The following SMAD9 variants were observed in gnomAD, a reference collection of about 807,000 sequenced individuals.
SMAD9 encodes MAD homolog 9.
In SMAD9, 36 loss-of-function variants were observed where a neutral mutation model predicts 46.1. The observed-to-expected ratio is 0.78, with a 90% CI of 0.60 to 1.03. The LOEUF (loss-of-function observed/expected upper bound fraction) is 1.03, where lower values mean the gene tolerates loss of function less well. Ranked by LOEUF, SMAD9 falls within the 50% of genes least tolerant of loss-of-function variation. The pLI is 0.00. For missense variants in SMAD9, 572 were observed against 599.8 expected, an observed-to-expected ratio of 0.95 and a Z score of 0.48; for synonymous variants, 245 against 237.1, an observed-to-expected ratio of 1.03 and a Z score of -0.31.
At chr13:36,877,091 T>C (rs1237288695) in intron 2 of SMAD9, among the ~76,000 whole-genome samples, 2 of 152,126 alleles carry the variant, frequency 1.3e-5, no homozygotes, top group Admixed American at 1.3e-4. Flanking sequence ...AGGCCAGGTA[T>C]GGTGGCTCAT....
At chr13:36,856,955 A>C (rs1239623384) in intron 5 of SMAD9, among the ~76,000 whole-genome samples, 1 of 151,940 alleles carries the variant, frequency 6.6e-6, no homozygotes, top group African/African-American at 2.4e-5. Context: ...GGCGCCTGCC[A>C]CCACACCTGG....
Position 36,872,372 on chromosome 13 carries a change from T to TA in SMAD9, c.670+285dup, listed in dbSNP as rs55908547. ...TCTTTTCATCTTATTTCTACTGCCT[T>TA]AAAAAAAAAAATCCTTGGAAATTCC... On this transcript the variant is annotated intron_variant, in intron 3 of 6. Coordinates refer to ENST00000379826, the MANE Select transcript of SMAD9 (RefSeq NM_001127217.3). 0.26 allele frequency among the ~76,000 whole-genome samples: 37,225 copies of TA among 144,032 alleles called. 5,093 individuals are homozygous for TA. Among genetic ancestry groups the TA allele is most frequent in the East Asian group, 0.5 (2,431 of 4,872 alleles). 94.5% of individuals were successfully genotyped at this position (144,032 alleles called of 152,430 possible).
intron 1 of SMAD9, among the ~76,000 whole-genome samples, chr13:36,885,381 A>G (rs1308424305): frequency 6.7e-6 from 1 of 149,520 alleles, no homozygotes; most frequent in Non-Finnish European, 1.5e-5. Flanking sequence ...ACTGGGCTTA[A>G]AACACACACA....
intron 1 of SMAD9, among the ~76,000 whole-genome samples, chr13:36,881,181 G>A (rs1312453839): frequency 1.3e-5 from 2 of 152,114 alleles, no homozygotes; most frequent in African/African-American, 2.4e-5. Flanking sequence ...TCCTGAGGTC[G>A]AACTGTATTT....
At chr13:36,897,753 A>AT in intron 1 of SMAD9, among the ~76,000 whole-genome samples, 1 of 152,000 alleles carries the variant, frequency 6.6e-6, no homozygotes, top group East Asian at 1.9e-4. Flanking sequence ...ATTTTCAGTT[A>AT]TAATTGCTCA....
intron 1 of SMAD9, among the ~76,000 whole-genome samples, chr13:36,891,574 C>G (rs1218638183): frequency 6.6e-6 from 1 of 152,186 alleles, no homozygotes; most frequent in African/African-American, 2.4e-5. Flanking sequence ...GAGTCTAAAA[C>G]TCTGGGCCAG....
rs914420164 is a variant in SMAD9, at chr13:36,879,018, C to A, written c.412+260G>T. Among the ~76,000 whole-genome samples, 3 of 152,130 alleles carry A rather than the reference C, an allele frequency of 2.0e-5. 1 individual carries two copies. The highest frequency in any genetic ancestry group is 4.4e-5 in the Non-Finnish European group (3 of 68,028). The stretch of plus-strand genomic sequence containing the variant: ...CACTGGCTATAACAGGGTTTTACTG[C>A]GATTCTCTTTGGATTGAGTGTTCCT... On this transcript the variant is annotated intron_variant, in intron 2 of 6. Coordinates refer to ENST00000379826, the MANE Select transcript of SMAD9 (RefSeq NM_001127217.3).
rs2058310762 is a variant in SMAD9 at position 36,872,970 on chromosome 13, AAC to A, written c.413-57_413-56del. 1.9e-6 allele frequency: 3 copies of A among 1,587,574 alleles called. No homozygotes were observed. In the Admixed American group the frequency reaches 5.0e-5, roughly 27 times the overall value. ...AATTGAACATTGCTCATCAGTACAC[AAC>A]AGAGTGGATACTTGCTGTTCTTATC... On this transcript the variant is annotated intron_variant, in intron 2 of 6. Coordinates refer to ENST00000379826, the MANE Select transcript of SMAD9 (RefSeq NM_001127217.3).
chr13:36,867,439 A>G, intron 3 of SMAD9, 56 bp from the exon 4 acceptor site: 1 of 1,190,898 alleles, frequency 8.4e-7, no homozygotes, highest in Non-Finnish European at 1.2e-6. Flanking sequence ...ACACAAAGAC[A>G]GTTGGATCCG....
chr13:36,912,324 A>G (rs1313298694), intron 1 of SMAD9, among the ~76,000 whole-genome samples: 4 of 152,158 alleles, frequency 2.6e-5, no homozygotes, highest in Non-Finnish European at 5.9e-5. Context: ...AACCCAACAT[A>G]TTTAGGGAAG....
At chr13:36,886,514 G>A (rs376959145) in intron 1 of SMAD9, among the ~76,000 whole-genome samples, 3 of 152,240 alleles carry the variant, frequency 2.0e-5, no homozygotes, top group Non-Finnish European at 4.4e-5. Context: ...GGACAAATCC[G>A]AGCTGAGCTG....
intron 1 of SMAD9, among the ~76,000 whole-genome samples, chr13:36,881,742 T>C (rs1471009648): frequency 1.3e-5 from 2 of 152,246 alleles, no homozygotes; most frequent in Non-Finnish European, 2.9e-5. Context: ...ATTTATAAAG[T>C]ATAGTTAAGT....
At chr13:36,892,596 A>C (rs2138583690) in intron 1 of SMAD9, among the ~76,000 whole-genome samples, 1 of 152,278 alleles carries the variant, frequency 6.6e-6, no homozygotes, top group South Asian at 2.1e-4. Context: ...ACTGTCCATA[A>C]ACATTCCAGT....
chr13:36,878,173 CAT>C (rs1371860856), intron 2 of SMAD9, among the ~76,000 whole-genome samples: 5 of 146,968 alleles, frequency 3.4e-5, no homozygotes, highest in East Asian at 2.2e-4. Flanking sequence ...ATATAATATA[CAT>C]ACACACACAC....
rs140857083 is a variant in SMAD9 at position 36,905,374 on chromosome 13, TC to T, written c.-187+14741del. Among the ~76,000 whole-genome samples the T allele has an allele frequency of 2.3e-3, 349 of 152,348 alleles. 2 individuals carry two copies. The highest frequency in any genetic ancestry group is 8.1e-3 in the African/African-American group (336 of 41,590). On this transcript the variant is annotated intron_variant, in intron 1 of 6. Transcript: ENST00000379826. ...GGTCTTACACTTCTTTTGAGTATCT[TC>T]TTTTGTTAGTTACAGTTACTGCCAG... is the stretch of plus-strand genomic sequence containing the variant.
Position 36,865,924 on chromosome 13 carries a change from T to C in SMAD9, c.782-166A>G, listed in dbSNP as rs485033. On this transcript the variant is annotated intron_variant, in intron 4 of 6. Transcript: ENST00000379826. Reference sequence around the variant, plus strand: ...GAACCTGTAGCTCTCATGGGAGCTGTTTGGGGCCGGCTCATTTCACTAGCA... The same window carrying C: ...GAACCTGTAGCTCTCATGGGAGCTGCTTGGGGCCGGCTCATTTCACTAGCA... 0.6 allele frequency among the ~76,000 whole-genome samples: 91,611 copies of C among 152,002 alleles called. 28,081 individuals carry two copies. Among genetic ancestry groups the C allele is most frequent in the Admixed American group, 0.7 (10,738 of 15,264 alleles).
At chr13:36,858,072 G>A (rs567261866) in intron 5 of SMAD9, among the ~76,000 whole-genome samples, 1 of 152,268 alleles carries the variant, frequency 6.6e-6, no homozygotes, top group South Asian at 2.1e-4. Flanking sequence ...ATACTGTAGA[G>A]CGATAGATGA....
chr13:36,865,140 T>A (rs1174907962), intron 5 of SMAD9, among the ~76,000 whole-genome samples: 1 of 152,248 alleles, frequency 6.6e-6, no homozygotes, highest in Non-Finnish European at 1.5e-5. Flanking sequence ...CAAAGGGAAC[T>A]TCACCTGATA....
chr13:36,849,033 AG>A (rs2058054416), intron 6 of SMAD9, among the ~76,000 whole-genome samples: 1 of 152,234 alleles, frequency 6.6e-6, no homozygotes, highest in Non-Finnish European at 1.5e-5. Context: ...GCATTCCCTC[AG>A]GGTTCACAAC....
Sources: gnomAD v4.1 joint callset for allele counts (sites outside exome capture counted in the v4.1 genomes callset) on GRCh38, gnomAD v4.1.1 for gene constraint, MANE v1.5 for transcripts, NCBI Gene and HGNC (gene_info 2026-07-23, HGNC 2026-07-21) for gene names.